Variants in POGZ observed in about 807,000 individuals in gnomAD.
POGZ encodes the protein pogo transposable element with ZNF domain.
A neutral mutation model predicts 134.6 loss-of-function variants in POGZ; 17 were observed. That is an observed-to-expected ratio of 0.13 (90% CI 0.09 to 0.19). The LOEUF (loss-of-function observed/expected upper bound fraction) is 0.19. Ranked by LOEUF, POGZ falls within the 10% of genes least tolerant of loss-of-function variation. POGZ has a pLI of 1.00. For missense variants in POGZ, 1,306 were observed against 1,769.7 expected, an observed-to-expected ratio of 0.74 and a Z score of 4.70; for synonymous variants, 693 against 657.1, an observed-to-expected ratio of 1.05 and a Z score of -0.84.
At chr1:151,434,782 C>T (rs1659304674) in intron 3 of POGZ, among the ~76,000 whole-genome samples, 1 of 151,876 alleles carries the variant, frequency 6.6e-6, no homozygotes, top group Admixed American at 6.6e-5. Context: ...CGGGGTTTTA[C>T]CATGTTGGCC....
chr1:151,440,879 C>T, intron 3 of POGZ, 49 bp downstream of exon 3: 1 of 1,541,172 alleles, frequency 6.5e-7, no homozygotes, highest in Admixed American at 1.7e-5. Flanking sequence ...CTTTTTTATT[C>T]TTTCACCCCT....
intron 3 of POGZ, among the ~76,000 whole-genome samples, chr1:151,439,485 A>G (rs1344042603): frequency 6.6e-6 from 1 of 152,242 alleles, no homozygotes; most frequent in African/African-American, 2.4e-5. Context: ...GCAACCTATT[A>G]GGACAACTTG....
At chr1:151,415,774 A>T (rs1655535462) in intron 10 of POGZ, among the ~76,000 whole-genome samples, 1 of 152,118 alleles carries the variant, frequency 6.6e-6, no homozygotes. Context: ...TTTTAGTCCC[A>T]AATCTCACAC....
intron 1 of POGZ, among the ~76,000 whole-genome samples, chr1:151,456,646 C>T (rs1211671529): frequency 2.0e-5 from 3 of 152,164 alleles, no homozygotes; most frequent in Non-Finnish European, 4.4e-5. Flanking sequence ...GACATGTAGT[C>T]AAAAGCTAAG....
intron 1 of POGZ, among the ~76,000 whole-genome samples, chr1:151,446,072 C>T (rs1443394284): frequency 2.8e-5 from 4 of 144,488 alleles, no homozygotes; most frequent in South Asian, 2.2e-4. Context: ...TTTTTAGCCC[C>T]GATCATGGGC....
intron 3 of POGZ, among the ~76,000 whole-genome samples, chr1:151,435,544 G>A (rs1283130228): frequency 1.3e-5 from 2 of 150,612 alleles, no homozygotes; most frequent in Non-Finnish European, 3.0e-5. Context: ...CCAAGTTGGA[G>A]TGCAGTAACG....
intron 10 of POGZ, among the ~76,000 whole-genome samples, chr1:151,419,055 GAAA>G (rs891245352): frequency 2.2e-5 from 3 of 135,160 alleles, no homozygotes; most frequent in African/African-American, 8.3e-5. Flanking sequence ...AAGAAAAAAA[GAAA>G]AAAAGTTACT....
chr1:151,457,380 A>G (rs1662900517), intron 1 of POGZ, among the ~76,000 whole-genome samples: 1 of 152,136 alleles, frequency 6.6e-6, no homozygotes, highest in Non-Finnish European at 1.5e-5. Flanking sequence ...TCATTTGAAA[A>G]TGTAAAGATG....
chr1:151,442,488 T>G (rs1191405464), intron 1 of POGZ: 2 of 221,678 alleles, frequency 9.0e-6, no homozygotes, highest in Non-Finnish European at 1.8e-5. Context: ...GGGAGGTGGA[T>G]CACCTGAGGT....
Position 151,428,352 on chromosome 1 carries a change from G to A in POGZ, c.630C>T (p.Thr210=). 6.2e-7 allele frequency: 1 copy of A among 1,613,724 alleles called. No individual in the cohort carries two copies. The highest frequency in any genetic ancestry group is 8.5e-7 in the Non-Finnish European group (1 of 1,179,656). Residue 210 remains threonine (T), a synonymous_variant, in exon 6 of 19, where the codon ACC becomes ACT. Transcript: ENST00000271715. ...GCATTGTGGAGCCTGGCCTCACAGG[G>A]GTCATCTGGGAGAACACTTGTGGAA... ...VGVPQVFSQM[T]PVRPGSTMPV...
chr1:151,457,357 G>T (rs1188009087), intron 1 of POGZ, among the ~76,000 whole-genome samples: 2 of 152,152 alleles, frequency 1.3e-5, no homozygotes, highest in Non-Finnish European at 2.9e-5. Context: ...ATCAGTCTCA[G>T]CCCCAGGACT....
intron 3 of POGZ, among the ~76,000 whole-genome samples, chr1:151,438,063 C>CA (rs1166159887): frequency 6.6e-6 from 1 of 151,776 alleles, no homozygotes. Context: ...ACAAAAAACA[C>CA]AGCCAGGCAT....
In POGZ at chr1:151,404,675, A is replaced by AGTG; in HGVS notation, c.*124_*126dup. Reference sequence around the variant, plus strand: ...GAAGTGTAAGTCAACTTCAGGGGGGAGTGGTGGTATAAAATTAAAAAATAG... The same window carrying AGTG: ...GAAGTGTAAGTCAACTTCAGGGGGGAGTGGTGGTGGTATAAAATTAAAAAATAG... On this transcript the variant is annotated 3_prime_UTR_variant, in exon 19 of 19. Coordinates refer to ENST00000271715, the MANE Select transcript of POGZ (RefSeq NM_015100.4). 7.1e-7 allele frequency: 1 copy of AGTG among 1,416,674 alleles called. No homozygotes were observed. Among genetic ancestry groups the AGTG allele is most frequent in the Non-Finnish European group, 9.2e-7 (1 of 1,089,068 alleles). 87.8% of individuals were successfully genotyped at this position (1,416,674 alleles called of 1,614,324 possible).
At position 151,412,372 on chromosome 1, in the gene POGZ, G is replaced by A. The variant is rs2102193529; in HGVS notation, c.1703C>T (p.Ala568Val). The change falls in exon 11 of 19, where the codon GCG (alanine) becomes GTG (valine). Residue 568 changes from alanine (A) to valine (V), a missense_variant. Ala to Val is a moderately conservative substitution (Grantham distance 64). Around this residue, in one of 10 missense-constraint regions of POGZ, gnomAD observed 149 missense variants for 237.5 expected, o/e 0.63. Coordinates refer to ENST00000271715, the MANE Select transcript of POGZ (RefSeq NM_015100.4). ...GAGAAATAGTGGCTCACTTTCAAACGCCCATTCACAGATCTTGCACTTGGC... is the reference window on the plus strand; with the variant it reads ...GAGAAATAGTGGCTCACTTTCAAACACCCATTCACAGATCTTGCACTTGGC... Reference protein sequence around the residue: ...STTKCKICEWAFESEPLFLQH... With the variant: ...STTKCKICEWVFESEPLFLQH... The A allele has an allele frequency of 1.2e-6, 2 of 1,605,764 alleles. No individual in the cohort carries two copies. Among genetic ancestry groups the A allele is most frequent in the Non-Finnish European group, 1.7e-6 (2 of 1,173,070 alleles).
At chr1:151,435,707 C>G (rs1454020395) in intron 3 of POGZ, among the ~76,000 whole-genome samples, 1 of 151,944 alleles carries the variant, frequency 6.6e-6, no homozygotes, top group Non-Finnish European at 1.5e-5. Flanking sequence ...GTTGGTCAGG[C>G]TGGTCTTGAA....
Position 151,403,892 on chromosome 1 carries a change from T to A in POGZ, c.*910A>T. 5 of 985,458 alleles carry A rather than the reference T, an allele frequency of 5.1e-6. No homozygotes were observed. Among genetic ancestry groups the A allele is most frequent in the Non-Finnish European group, 6.0e-6 (5 of 829,914 alleles). The allele number at this position is 985,458 out of a possible 1,614,324, so 61.0% of individuals were successfully genotyped here. A position where few individuals can be genotyped will look rare whatever the true frequency, so the allele number is the denominator to read the frequency against. The stretch of plus-strand genomic sequence containing the variant: ...GGGCTTACAGGATGAAGACTCAAAC[T>A]GGGAATGGCTTCCACCCTAAAACTG... On this transcript the variant is annotated 3_prime_UTR_variant, in exon 19 of 19. Coordinates refer to ENST00000271715, the MANE Select transcript of POGZ (RefSeq NM_015100.4).
intron 11 of POGZ, among the ~76,000 whole-genome samples, chr1:151,412,019 G>A (rs1282395794): frequency 1.3e-5 from 2 of 152,094 alleles, no homozygotes; most frequent in Non-Finnish European, 2.9e-5. Flanking sequence ...GAAAAATAAA[G>A]CCTTTTCTGT....
chr1:151,439,014 T>C lies in POGZ; in HGVS notation c.283+1914A>G, dbSNP rs142224053. 3.2e-3 allele frequency: 488 copies of C among 152,260 alleles called. 4 individuals carry two copies. The highest frequency in any genetic ancestry group is 0.011 in the African/African-American group (465 of 41,530). 9.4% of individuals were successfully genotyped at this position (152,260 alleles called of 1,614,324 possible). ...GAGACACATAGGACTAGTCCTGTGG[T>C]AGTGGGTTATCAGAACTTATAAACA... On this transcript the variant is annotated intron_variant, in intron 3 of 18. Transcript: ENST00000271715.
At chr1:151,410,915 ATCT>A (rs1336209291) in intron 12 of POGZ, among the ~76,000 whole-genome samples, 1 of 152,132 alleles carries the variant, frequency 6.6e-6, no homozygotes, top group Non-Finnish European at 1.5e-5. Flanking sequence ...AATATCACAA[ATCT>A]TCTGAATATC....
Sources: allele counts gnomAD v4.1 joint callset (sites outside exome capture counted in the v4.1 genomes callset), GRCh38; gene constraint gnomAD v4.1.1; regional missense constraint gnomAD v4.1.1; transcripts MANE v1.5; gene names NCBI Gene and HGNC (gene_info 2026-07-23, HGNC 2026-07-21).